The following LAMA3 variants were observed in gnomAD, a reference collection of about 807,000 sequenced individuals.
LAMA3 encodes laminin subunit alpha 3.
In LAMA3, 281 loss-of-function variants were observed where a neutral mutation model predicts 402.0. The observed-to-expected ratio is 0.70, with a 90% CI of 0.63 to 0.77. The LOEUF is 0.77. Ranked by LOEUF, LAMA3 falls within the 30% of genes least tolerant of loss-of-function variation. The pLI is 0.00. For missense variants in LAMA3, 3,840 were observed against 4,215.5 expected (o/e 0.91, Z 2.47); for synonymous variants, 1,431 against 1,558.4 (o/e 0.92, Z 1.93).
intron 46 of LAMA3, 81 bp downstream of exon 46, chr18:23,899,146 T>C (rs2080979808): frequency 7.6e-7 from 1 of 1,311,832 alleles, no homozygotes; most frequent in African/African-American, 1.5e-5. Flanking sequence ...CCCTTTAAGA[T>C]TTCAACATTA....
At chr18:23,727,317 GATT>G in intron 2 of LAMA3, among the ~76,000 whole-genome samples, 1 of 152,056 alleles carries the variant, frequency 6.6e-6, no homozygotes, top group Non-Finnish European at 1.5e-5. Flanking sequence ...TTGATTGATT[GATT>G]GATTGATTGA....
chr18:23,809,866 G>C (rs554202145), intron 12 of LAMA3, among the ~76,000 whole-genome samples: 1 of 152,230 alleles, frequency 6.6e-6, no homozygotes, highest in South Asian at 2.1e-4. Context: ...ATCTGGCCTG[G>C]AATGGCTTGC....
At chr18:23,887,322 G>C (rs1432321162) in intron 41 of LAMA3, among the ~76,000 whole-genome samples, 2 of 152,090 alleles carry the variant, frequency 1.3e-5, no homozygotes, top group African/African-American at 4.8e-5. Context: ...GAGTGGGAAA[G>C]GATTCTAGGC....
At chr18:23,881,132 C>T (rs892742318) in intron 39 of LAMA3, among the ~76,000 whole-genome samples, 18 of 152,064 alleles carry the variant, frequency 1.2e-4, no homozygotes, top group African/African-American at 4.1e-4. Context: ...AAATTTGACC[C>T]AATCCACTAG....
At chr18:23,903,868 T>A in intron 49 of LAMA3, 65 bp from the exon 50 acceptor site, 2 of 1,311,518 alleles carry the variant, frequency 1.5e-6, no homozygotes, top group Non-Finnish European at 2.2e-6. Flanking sequence ...TGATAGAGTT[T>A]GAGAAATCAG....
chr18:23,830,763 C>T (rs999763359), intron 23 of LAMA3, among the ~76,000 whole-genome samples: 2 of 152,166 alleles, frequency 1.3e-5, no homozygotes, highest in African/African-American at 2.4e-5. Flanking sequence ...CCTTATTACT[C>T]TATGTTCTGT....
chr18:23,791,458 A>G (rs4800512), intron 12 of LAMA3, among the ~76,000 whole-genome samples: 35,429 of 152,024 alleles, frequency 0.23, 6,065 homozygotes, highest in East Asian at 0.65. Context: ...TAGGCCAGAC[A>G]TAGTGGCTCA....
intron 4 of LAMA3, 135 bp downstream of exon 4, chr18:23,749,681 A>C: frequency 1.4e-6 from 1 of 736,950 alleles, no homozygotes; most frequent in Non-Finnish European, 2.5e-6. Flanking sequence ...CTTGGGACTG[A>C]ACAGTAAAGG....
At chr18:23,709,542 G>T (rs2060950293) in intron 1 of LAMA3, among the ~76,000 whole-genome samples, 1 of 151,178 alleles carries the variant, frequency 6.6e-6, no homozygotes. Flanking sequence ...AAAACACCAG[G>T]TTGAGTCAGA....
At chr18:23,692,587 A>G (rs901579890) in intron 1 of LAMA3, among the ~76,000 whole-genome samples, 1 of 152,204 alleles carries the variant, frequency 6.6e-6, no homozygotes, top group Non-Finnish European at 1.5e-5. Flanking sequence ...TGATGTTTTA[A>G]ACAATAGATT....
chr18:23,751,890 C>T (rs1384208129), intron 5 of LAMA3, among the ~76,000 whole-genome samples: 1 of 152,114 alleles, frequency 6.6e-6, no homozygotes, highest in Non-Finnish European at 1.5e-5. Context: ...AAACAAGAAG[C>T]CAGAGAGAAA....
rs1292998429 is a variant in LAMA3, at chr18:23,879,952, A to G, written c.5113-1984A>G. ...CTCCAATGTGTTCAGTCTCAGAGCT[A>G]AGTAGACACAGGACTGAAATATATC... On this transcript the variant is annotated intron_variant, in intron 39 of 74. Transcript: ENST00000313654. The surrounding 1 kb of genome is among the most constrained non-coding windows in gnomAD (Gnocchi z 4.2). Among the ~76,000 whole-genome samples, 1 of 152,256 alleles carries G rather than the reference A, an allele frequency of 6.6e-6. No individual in the cohort carries two copies. The highest frequency in any genetic ancestry group is 1.9e-4 in the East Asian group (1 of 5,208).
intron 1 of LAMA3, among the ~76,000 whole-genome samples, chr18:23,691,522 T>A (rs1042701967): frequency 1.3e-5 from 2 of 152,222 alleles, no homozygotes; most frequent in African/African-American, 4.8e-5. Context: ...TAATTGTGTG[T>A]ATAATTATTT....
At chr18:23,948,240 A>G (rs2082779631) in intron 70 of LAMA3, among the ~76,000 whole-genome samples, 1 of 152,186 alleles carries the variant, frequency 6.6e-6, no homozygotes, top group African/African-American at 2.4e-5. Flanking sequence ...GTAGCACCCC[A>G]TTTACAATAC....
intron 27 of LAMA3, among the ~76,000 whole-genome samples, chr18:23,840,380 TC>T (rs370099900): frequency 0.66 from 76,355 of 115,966 alleles, 25,077 homozygotes; most frequent in East Asian, 0.73. Flanking sequence ...AACCTTTCTT[TC>T]TTTTTTTTTT....
At chr18:23,726,255 A>G (rs1484333374) in intron 2 of LAMA3, among the ~76,000 whole-genome samples, 1 of 152,178 alleles carries the variant, frequency 6.6e-6, no homozygotes, top group East Asian at 1.9e-4. Flanking sequence ...TGTCTCCAGC[A>G]CAGGGTCCCA....
chr18:23,952,992 A>T lies in LAMA3; in HGVS notation c.9739A>T (p.Thr3247Ser), dbSNP rs1364229396. 1 of 1,613,928 alleles carries T rather than the reference A, an allele frequency of 6.2e-7. No homozygotes were observed. The highest frequency in any genetic ancestry group is 1.3e-5 in the African/African-American group (1 of 74,908). Residue 3247 changes from threonine to serine, a missense_variant and splice_region_variant, in exon 74 of 75, where the codon ACC (threonine) becomes TCC (serine). Transcript: ENST00000313654. Reference protein sequence around the residue: ...CDGQWHSVAVTIKQHILHLEL... With the variant: ...CDGQWHSVAVSIKQHILHLEL... ...CCTAACCAGCCTCCTTTCCCCAGTC[A>T]CCATAAAACAACACATCCTGCACCT...
intron 55 of LAMA3, among the ~76,000 whole-genome samples, chr18:23,910,796 C>T (rs1185907489): frequency 6.6e-6 from 1 of 151,772 alleles, no homozygotes; most frequent in Non-Finnish European, 1.5e-5. Flanking sequence ...CACGTAGTGC[C>T]CAGAAAAGAA....
chr18:23,865,804 G>C (rs2064342548), intron 36 of LAMA3, among the ~76,000 whole-genome samples: 1 of 152,240 alleles, frequency 6.6e-6, no homozygotes, highest in Non-Finnish European at 1.5e-5. Flanking sequence ...GGGTGGTACA[G>C]GGCAGGAGGC....
Sources: allele counts gnomAD v4.1 joint callset (sites outside exome capture counted in the v4.1 genomes callset), GRCh38; gene constraint gnomAD v4.1.1; non-coding constraint Gnocchi (gnomAD v3.1); transcripts MANE v1.5; gene names NCBI Gene and HGNC (gene_info 2026-07-23, HGNC 2026-07-21).